Variants in PYGM observed in about 807,000 individuals in gnomAD.
PYGM encodes the protein glycogen phosphorylase, muscle form.
In PYGM, 81 loss-of-function variants were observed where a neutral mutation model predicts 99.3. That is an observed-to-expected ratio of 0.82 (90% CI 0.68 to 0.98). The LOEUF is 0.98. PYGM is among the 50% of genes least tolerant of loss of function. The pLI is 0.00. For synonymous variants in PYGM, 436 were observed against 451.5 expected, an observed-to-expected ratio of 0.97 and a Z score of 0.44; for missense variants, 1,030 against 1,158.1, an observed-to-expected ratio of 0.89 and a Z score of 1.61.
chr11:64,749,617 G>C (rs951634942), intron 17 of PYGM, among the ~76,000 whole-genome samples: 7 of 150,878 alleles, frequency 4.6e-5, no homozygotes, highest in African/African-American at 1.7e-4. Flanking sequence ...ACTCCAGCCT[G>C]GGTGACAGAG....
rs58190568 is a variant in PYGM, at chr11:64,751,058, A to ATG, written c.1969+266_1969+267insCA. 0.13 allele frequency: 57,908 copies of ATG among 450,260 alleles called. 5,298 individuals carry two copies. The highest frequency in any genetic ancestry group is 0.39 in the East Asian group (8,243 of 21,204). The allele number at this position is 450,260 out of a possible 1,614,324, so 27.9% of individuals were successfully genotyped here. On this transcript the variant is annotated intron_variant, in intron 16 of 19. Coordinates refer to ENST00000164139, the MANE Select transcript of PYGM (RefSeq NM_005609.4). Reference sequence around the variant, plus strand: ...AGGCACCTGCCATCACGCCCAGCTAATTTTTGTATTTTTAGTAGAGACGGG... The same window carrying ATG: ...AGGCACCTGCCATCACGCCCAGCTAATGTTTTTGTATTTTTAGTAGAGACGGG...
chr11:64,750,421 A>G lies in PYGM; in HGVS notation c.2132T>C (p.Ile711Thr), dbSNP rs779080119. ...AEEAGEENFFIFGMRVEDVDK... is the reference protein window; with the variant it reads ...AEEAGEENFFTFGMRVEDVDK... ...CACATCCTCCACCCGCATGCCAAAG[A>G]TGAAGAAGTTTTCCTCTCCCGCCTC... Residue 711 changes from isoleucine (I) to threonine (T), a missense_variant, in exon 17 of 20, where the codon ATC becomes ACC. By Grantham distance (89) the Ile-to-Thr change is moderately conservative (BLOSUM62 -1). Transcript: ENST00000164139. 6.2e-7 allele frequency: 1 copy of G among 1,614,116 alleles called. No homozygotes were observed. Among genetic ancestry groups the G allele is most frequent in the Non-Finnish European group, 8.5e-7 (1 of 1,179,994 alleles).
At chr11:64,750,085 C>T (rs1446431377) in intron 17 of PYGM, among the ~76,000 whole-genome samples, 1 of 152,192 alleles carries the variant, frequency 6.6e-6, no homozygotes, top group Admixed American at 6.5e-5. Context: ...AGCCACCGCA[C>T]CCGGCGTAGA....
In PYGM at chr11:64,750,317, C is replaced by T. The variant is rs1386953047; in HGVS notation, c.2177+59G>A. The T allele has an allele frequency of 1.9e-6, 3 of 1,591,706 alleles. No homozygotes were observed. In the African/African-American group the frequency reaches 4.0e-5, roughly 21 times the overall value. On this transcript the variant is annotated intron_variant, in intron 17 of 19. Transcript: ENST00000164139. ...TTCCAGACGTGCCGCTTGCTCCCAGCACCACTCTCCAGCAGCCACACCTGG... is the reference window on the plus strand; with the variant it reads ...TTCCAGACGTGCCGCTTGCTCCCAGTACCACTCTCCAGCAGCCACACCTGG...
intron 17 of PYGM, chr11:64,747,576 A>G (rs2058323919): frequency 1.7e-6 from 1 of 595,812 alleles, no homozygotes; most frequent in Non-Finnish European, 3.0e-6. Flanking sequence ...GGCCCGGAGG[A>G]TACAGAAAGC....
At position 64,751,350 on chromosome 11, in the gene PYGM, G is replaced by A. The variant is rs748710834; in HGVS notation, c.1944C>T (p.Asn648=). 4.3e-6 allele frequency: 7 copies of A among 1,614,162 alleles called. No individual in the cohort carries two copies. Among genetic ancestry groups the A allele is most frequent in the Non-Finnish European group, 5.9e-6 (7 of 1,180,048 alleles). Reference sequence around the variant, plus strand: ...CTTTCTCGGCCAGTGAGACTCGGTAGTTCTCCAGGAAGATGACACGGAGGC... The same window carrying A: ...CTTTCTCGGCCAGTGAGACTCGGTAATTCTCCAGGAAGATGACACGGAGGC... ...GDRLRVIFLE[N]YRVSLAEKVI... Residue 648 remains asparagine (N), a synonymous_variant, in exon 16 of 20, where the codon AAC becomes AAT. Transcript: ENST00000164139.
In PYGM at chr11:64,759,888, G is replaced by A. The variant is rs752266996; in HGVS notation, c.11C>T (p.Pro4Leu). 2 of 1,613,960 alleles carry A rather than the reference G, an allele frequency of 1.2e-6. No individual in the cohort carries two copies. The highest frequency in any genetic ancestry group is 1.1e-5 in the South Asian group (1 of 91,084). Residue 4 changes from proline to leucine, a missense_variant, in exon 1 of 20, where the codon CCC becomes CTC. Transcript: ENST00000164139. ...CTTTCTTTTCTCTTGGTCTGACAGG[G>A]GCCGGGACATGGCTGCAGGAGGGCG... MSRPLSDQEKRKQI... is the reference protein window; with the variant it reads MSRLLSDQEKRKQI...
chr11:64,752,276 G>A (rs1322433549), intron 13 of PYGM, 127 bp downstream of exon 13: 5 of 1,353,998 alleles, frequency 3.7e-6, no homozygotes, highest in Admixed American at 1.8e-5. Context: ...ACAGACTCCA[G>A]GCAACTTCCA....
At chr11:64,752,937 C>T in intron 12 of PYGM, 136 bp downstream of exon 12, 1 of 887,244 alleles carries the variant, frequency 1.1e-6, no homozygotes, top group South Asian at 1.3e-5. Flanking sequence ...GGATGCGAGG[C>T]TTGGGGAACA....
chr11:64,752,322 T>C, intron 13 of PYGM, 81 bp downstream of exon 13: 5 of 1,526,576 alleles, frequency 3.3e-6, no homozygotes, highest in Non-Finnish European at 4.5e-6. Flanking sequence ...ATGAGCTCTA[T>C]TTGCCACGCC....
chr11:64,759,625 C>T, intron 1 of PYGM, 31 bp downstream of exon 1: 1 of 1,611,604 alleles, frequency 6.2e-7, no homozygotes, highest in Non-Finnish European at 8.5e-7. Flanking sequence ...GCCTTCAGCC[C>T]ATACCCCCAC....
rs767879221 is a variant in PYGM at position 64,746,785 on chromosome 11, C to A, written c.2403G>T (p.Met801Ile). The A allele has an allele frequency of 6.2e-7, 1 of 1,614,182 alleles. No homozygotes were observed. Among genetic ancestry groups the A allele is most frequent in the East Asian group, 2.2e-5 (1 of 44,872 alleles). The change falls in exon 20 of 20, where the codon ATG becomes ATT. Residue 801 changes from methionine to isoleucine, a missense_variant. By Grantham distance (10) the Met-to-Ile change is conservative. Transcript: ENST00000164139. ...LYKNPREWTR[M>I]VIRNIATSGK... ...CAGAGGTGGCTATGTTCCGGATCACCATCCGCGTCCACTCTCTTGGGTTCT... is the reference window on the plus strand; with the variant it reads ...CAGAGGTGGCTATGTTCCGGATCACAATCCGCGTCCACTCTCTTGGGTTCT...
In PYGM at chr11:64,759,903, G is replaced by A; in HGVS notation, c.-5C>T. 1 of 1,613,918 alleles carries A rather than the reference G, an allele frequency of 6.2e-7. No individual in the cohort carries two copies. The highest frequency in any genetic ancestry group is 1.1e-5 in the South Asian group (1 of 91,076). On this transcript the variant is annotated 5_prime_UTR_variant, in exon 1 of 20. Coordinates refer to ENST00000164139, the MANE Select transcript of PYGM (RefSeq NM_005609.4). ...GTCTGACAGGGGCCGGGACATGGCT[G>A]CAGGAGGGCGGGCCGGACTGGACTG... is the stretch of plus-strand genomic sequence containing the variant.
Position 64,753,197 on chromosome 11 carries a change from G to A in PYGM, c.1404-10C>T, listed in dbSNP as rs747983210. The A allele has an allele frequency of 6.3e-7, 1 of 1,592,400 alleles. No individual in the cohort carries two copies. Among genetic ancestry groups the A allele is most frequent in the Non-Finnish European group, 8.6e-7 (1 of 1,160,464 alleles). On this transcript the variant is annotated splice_polypyrimidine_tract_variant and intron_variant, in intron 11 of 19. Coordinates refer to ENST00000164139, the MANE Select transcript of PYGM (RefSeq NM_005609.4). ...ATAGAAGTCTTTGAAGCTGCAGGAT[G>A]AGGTTGGACGAGGGTCACCACTCAC...
intron 4 of PYGM, 138 bp from the exon 5 acceptor site, chr11:64,758,048 G>A: frequency 7.0e-7 from 1 of 1,430,750 alleles, no homozygotes; most frequent in Non-Finnish European, 9.6e-7. Flanking sequence ...GTGGGCCCCT[G>A]GTCTGCTGGG....
intron 5 of PYGM, among the ~76,000 whole-genome samples, chr11:64,756,965 A>G (rs1322660786): frequency 2.0e-5 from 3 of 151,954 alleles, no homozygotes; most frequent in Non-Finnish European, 4.4e-5. Flanking sequence ...ACCCTGGCTA[A>G]TTTTTTAAAT....
At chr11:64,751,710 T>C in intron 14 of PYGM, 55 bp from the exon 15 acceptor site, 1 of 1,597,412 alleles carries the variant, frequency 6.3e-7, no homozygotes, top group Non-Finnish European at 8.6e-7. Flanking sequence ...GGGTAGTAGC[T>C]CCTGACAGAG....
In PYGM at chr11:64,755,355, A is replaced by C. The variant is rs779515778; in HGVS notation, c.773T>G (p.Phe258Cys). ...KAPNDFNLKD[F>C]NVGGYIQAVL... Reference sequence around the variant, plus strand: ...AGCCTGGATGTAGCCACCGACATTGACTGAGGGACAAAAGTGGGGACAGGG... The same window carrying C: ...AGCCTGGATGTAGCCACCGACATTGCCTGAGGGACAAAAGTGGGGACAGGG... Residue 258 changes from phenylalanine (F) to cysteine (C), a missense_variant and splice_region_variant, in exon 7 of 20, where the codon TTC becomes TGC. Phe to Cys is a radical substitution (Grantham distance 205). Transcript: ENST00000164139. This position sits in a 1 kb window ranked among gnomAD's most constrained non-coding sequence, Gnocchi z 4.1. The C allele has an allele frequency of 6.2e-7, 1 of 1,614,106 alleles. No homozygotes were observed. The highest frequency in any genetic ancestry group is 8.5e-7 in the Non-Finnish European group (1 of 1,179,978).
At chr11:64,757,471 G>T (rs2135838810) in intron 5 of PYGM, among the ~76,000 whole-genome samples, 1 of 152,266 alleles carries the variant, frequency 6.6e-6, no homozygotes, top group African/African-American at 2.4e-5. Context: ...GATGTTCAGG[G>T]CAGACTCAAG....
Sources: allele counts gnomAD v4.1 joint callset (sites outside exome capture counted in the v4.1 genomes callset), GRCh38; gene constraint gnomAD v4.1.1; non-coding constraint Gnocchi (gnomAD v3.1); transcripts MANE v1.5; gene names NCBI Gene and HGNC (gene_info 2026-07-23, HGNC 2026-07-21).